Variants in TMPRSS9 observed in about 807,000 individuals in gnomAD.
TMPRSS9 encodes the protein transmembrane protease serine 9.
TMPRSS9 carries 113 observed loss-of-function variants against 111.4 expected under a neutral mutation model. That is an observed-to-expected ratio of 1.01 (90% CI 0.87 to 1.19). The LOEUF (loss-of-function observed/expected upper bound fraction) is 1.19. Ranked by LOEUF, TMPRSS9 falls within the 50% of genes most tolerant of loss-of-function variation. The probability of loss-of-function intolerance (pLI) is 0.00; values close to 1 mark genes in which losing one functional copy is unlikely to be tolerated. For synonymous variants in TMPRSS9, 805 were observed against 659.1 expected (o/e 1.22, Z -3.39); for missense variants, 1,803 against 1,513.1 (o/e 1.19, Z -3.18).
intron 12 of TMPRSS9, 98 bp from the exon 14 acceptor site, chr19:2,417,904 G>C: frequency 3.4e-6 from 5 of 1,485,502 alleles, no homozygotes; most frequent in Non-Finnish European, 4.6e-6. Flanking sequence ...TTCGTCTGTG[G>C]GGTGGGGATG....
At chr19:2,406,686 T>C (rs1438126202) in intron 7 of TMPRSS9, among the ~76,000 whole-genome samples, 1 of 151,816 alleles carries the variant, frequency 6.6e-6, no homozygotes, top group Non-Finnish European at 1.5e-5. Context: ...AAGTAGCATC[T>C]CCCTGTGGTT....
chr19:2,409,840 A>G (rs570173529), intron 8 of TMPRSS9, among the ~76,000 whole-genome samples: 2 of 152,064 alleles, frequency 1.3e-5, no homozygotes, highest in Non-Finnish European at 2.9e-5. Flanking sequence ...GAGTAAGAGA[A>G]GTGAGTGGGG....
At chr19:2,385,001 G>A (rs1240129887), upstream of TMPRSS9, among the ~76,000 whole-genome samples, 3 of 144,984 alleles carry the variant, frequency 2.1e-5, no homozygotes, top group Non-Finnish European at 4.5e-5. Flanking sequence ...AAAAAAGAGA[G>A]AAAAGCCCAG....
intron 1 of TMPRSS9, among the ~76,000 whole-genome samples, chr19:2,363,622 G>A (rs1380382289): frequency 6.6e-6 from 1 of 151,670 alleles, no homozygotes; most frequent in Non-Finnish European, 1.5e-5. Context: ...GGCAGGACTG[G>A]ACCCTGGGTG....
chr19:2,396,281 C>T, intron 1 of TMPRSS9: 1 of 415,524 alleles, frequency 2.4e-6, no homozygotes, highest in Non-Finnish European at 4.3e-6. Context: ...CACTCATCCA[C>T]CTTGTGCTGT....
intron 7 of TMPRSS9, 67 bp from the exon 9 acceptor site, chr19:2,408,287 AGT>A: frequency 6.6e-7 from 1 of 1,517,424 alleles, no homozygotes; most frequent in Admixed American, 1.8e-5. Context: ...ACCCAAGGCG[AGT>A]GTCCCGTCTG....
chr19:2,410,937 A>G (rs76939104), intron 9 of TMPRSS9, among the ~76,000 whole-genome samples: 14,091 of 152,042 alleles, frequency 0.093, 935 homozygotes, highest in East Asian at 0.26. Context: ...GGGTTGGTCT[A>G]TGGGAACCCC....
At chr19:2,383,815 AAAAAT>A (rs1970417622) in intron 1 of TMPRSS9, among the ~76,000 whole-genome samples, 1 of 151,364 alleles carries the variant, frequency 6.6e-6, no homozygotes, top group Non-Finnish European at 1.5e-5. Flanking sequence ...TCAAAACAAT[AAAAAT>A]AAATAAATAG....
At chr19:2,416,473 G>A in intron 11 of TMPRSS9, 65 bp from the exon 13 acceptor site, 1 of 1,550,052 alleles carries the variant, frequency 6.5e-7, no homozygotes, top group Non-Finnish European at 8.7e-7. Context: ...CATCAGCCCT[G>A]TCCCTCCCCA....
At chr19:2,425,100 C>T (rs766474520) in exon 16 of TMPRSS9, 1 of 1,583,718 alleles carries the variant, frequency 6.3e-7, no homozygotes, top group East Asian at 2.3e-5. Context: ...TACAAGCACC[C>T]GTTCTACAAT....
chr19:2,424,141 G>A lies in TMPRSS9; in HGVS notation c.2601G>A (p.Ala867=), dbSNP rs749977546. 1.0e-5 allele frequency: 15 copies of A among 1,428,748 alleles called. No homozygotes were observed. In the East Asian group the frequency reaches 3.7e-4, roughly 35 times the overall value. The allele number at this position is 1,428,748 out of a possible 1,614,324, so 88.5% of individuals were successfully genotyped here. ...CCAGGATTGTGGGCGGCAGCGCAGC[G>A]GGCCGTGGGGAGTGGCCGTGGCAGG... Residue 867 remains alanine (A), a synonymous_variant, in exon 15 of 18, where the codon GCG becomes GCA. Transcript: ENST00000648592.
chr19:2,398,070 C>G (rs62120706), intron 2 of TMPRSS9, among the ~76,000 whole-genome samples: 1 of 148,780 alleles, frequency 6.7e-6, no homozygotes, highest in Non-Finnish European at 1.5e-5. Flanking sequence ...CTGAGGTGGG[C>G]GGATCACGAG....
chr19:2,424,697 G>A (rs958300177), intron 15 of TMPRSS9, among the ~76,000 whole-genome samples: 11 of 152,302 alleles, frequency 7.2e-5, no homozygotes, highest in Non-Finnish European at 1.2e-4. Context: ...CGGTTTTCCA[G>A]AGGGGACACC....
At chr19:2,396,375 A>T in intron 1 of TMPRSS9, 164 bp from the exon 3 acceptor site, 1 of 741,228 alleles carries the variant, frequency 1.3e-6, no homozygotes, top group Non-Finnish European at 2.0e-6. Flanking sequence ...GAGCCCTGTG[A>T]GTAGCTATTC....
chr19:2,426,184 G>A, exon 18 of TMPRSS9: 2 of 936,874 alleles, frequency 2.1e-6, no homozygotes, highest in East Asian at 4.8e-5. Context: ...CCCAAGGACG[G>A]GTGTGGGGGG....
chr19:2,405,193 G>A (rs1014922015), intron 6 of TMPRSS9, among the ~76,000 whole-genome samples, 181 bp from the exon 8 acceptor site: 1 of 152,014 alleles, frequency 6.6e-6, no homozygotes, highest in Non-Finnish European at 1.5e-5. Context: ...TGGGGCAGCC[G>A]AGGAGTTGAA....
chr19:2,424,967 G>C, intron 15 of TMPRSS9, 35 bp from the exon 17 acceptor site: 1 of 1,446,610 alleles, frequency 6.9e-7, no homozygotes, highest in Middle Eastern at 2.3e-4. Flanking sequence ...GGGCGTGGGG[G>C]CTCGGGCCGA....
At chr19:2,417,762 T>C (rs1971284104) in intron 12 of TMPRSS9, among the ~76,000 whole-genome samples, 2 of 152,142 alleles carry the variant, frequency 1.3e-5, no homozygotes, top group African/African-American at 4.8e-5. Flanking sequence ...TCCTACACCT[T>C]ACCCAGGTGC....
chr19:2,377,490 C>CTCT (rs1970347304), intron 1 of TMPRSS9, among the ~76,000 whole-genome samples: 1 of 43,522 alleles, frequency 2.3e-5, no homozygotes, highest in African/African-American at 1.4e-4. Context: ...TCTCTCCCCC[C>CTCT]CACCCCTCTC....
Sources: allele counts gnomAD v4.1 joint callset (sites outside exome capture counted in the v4.1 genomes callset), GRCh38; gene constraint gnomAD v4.1.1; transcripts MANE v1.5; gene names NCBI Gene and HGNC (gene_info 2026-07-23, HGNC 2026-07-21).